Variants in CCDC3 observed in about 807,000 individuals in gnomAD.
CCDC3 encodes the protein coiled-coil domain-containing protein 3.
A neutral mutation model predicts 21.4 loss-of-function variants in CCDC3; 24 were observed. The ratio of observed to expected loss-of-function variants is 1.12; its 90% CI spans 0.81 to 1.58. The LOEUF (loss-of-function observed/expected upper bound fraction) is 1.58. Among genes scored for constraint, CCDC3 ranks in the 40% most tolerant of loss-of-function variants. The pLI, the probability that CCDC3 is intolerant of heterozygous loss-of-function variation, is 0.00. For synonymous variants in CCDC3, 186 were observed against 166.0 expected (o/e 1.12, Z -0.93); for missense variants, 425 against 360.9 (o/e 1.18, Z -1.44).
intron 5 of CCDC3, among the ~76,000 whole-genome samples, chr10:13,018,685 T>C (rs493493): frequency 1 from 152,079 of 152,116 alleles, 76,021 homozygotes; most frequent in Middle Eastern, 1. Context: ...AATCCCAGCA[T>C]TTTGGGAGGC....
intron 2 of CCDC3, among the ~76,000 whole-genome samples, chr10:12,916,171 C>T (rs1413861482): frequency 3.9e-5 from 6 of 152,310 alleles, no homozygotes; most frequent in Admixed American, 1.3e-4. Flanking sequence ...CAGTGGTTCA[C>T]GCCTGAAGTC....
chr10:12,902,098 C>T (rs1213355811), intron 2 of CCDC3, among the ~76,000 whole-genome samples: 1 of 152,214 alleles, frequency 6.6e-6, no homozygotes, highest in Non-Finnish European at 1.5e-5. Context: ...GACTCAAGGG[C>T]CTTGACATTC....
chr10:13,090,038 T>TAG (rs1564345301), intron 3 of CCDC3, among the ~76,000 whole-genome samples: 6 of 1,446 alleles, frequency 4.1e-3, no homozygotes, highest in African/African-American at 4.6e-3. Context: ...CCGTTAGATA[T>TAG]ATATATATAT....
chr10:12,942,831 G>C (rs72777410), intron 2 of CCDC3, among the ~76,000 whole-genome samples: 3,154 of 152,254 alleles, frequency 0.021, 49 homozygotes, highest in Middle Eastern at 0.051. Context: ...AGGAGAGAGA[G>C]CTTTTCTCTT....
intron 2 of CCDC3, among the ~76,000 whole-genome samples, chr10:12,919,365 G>A (rs923049769): frequency 1.3e-4 from 20 of 152,086 alleles, no homozygotes; most frequent in Admixed American, 1.1e-3. Context: ...TGAGGCCGGC[G>A]GATCACTTGA....
chr10:12,970,348 T>A (rs1835323128), intron 2 of CCDC3, among the ~76,000 whole-genome samples: 2 of 152,180 alleles, frequency 1.3e-5, no homozygotes, highest in Non-Finnish European at 2.9e-5. Context: ...AAATGCATTT[T>A]CAACTTACGG....
intron 2 of CCDC3, among the ~76,000 whole-genome samples, chr10:12,972,197 C>CACT (rs2131265454): frequency 6.6e-6 from 1 of 152,278 alleles, no homozygotes; most frequent in African/African-American, 2.4e-5. Flanking sequence ...AACTCAACCC[C>CACT]ACTCTCCACC....
intron 2 of CCDC3, among the ~76,000 whole-genome samples, chr10:12,945,892 CCTT>C (rs1263890516): frequency 6.6e-6 from 1 of 152,162 alleles, no homozygotes; most frequent in Non-Finnish European, 1.5e-5. Flanking sequence ...ATAGCTAACA[CCTT>C]CTGCTGCACT....
intron 2 of CCDC3, among the ~76,000 whole-genome samples, chr10:12,948,013 T>G (rs1834943731): frequency 6.6e-6 from 1 of 152,228 alleles, no homozygotes; most frequent in African/African-American, 2.4e-5. Context: ...CAGCTCTTGG[T>G]CGGTGATACA....
chr10:12,910,551 C>CA (rs1834253922), intron 2 of CCDC3, among the ~76,000 whole-genome samples: 1 of 142,060 alleles, frequency 7.0e-6, no homozygotes, highest in Admixed American at 7.3e-5. Context: ...TGGTATCTGG[C>CA]ACAAGTCCTT....
Position 12,979,844 on chromosome 10 carries a change from A to T in CCDC3, c.549+18494T>A, listed in dbSNP as rs1000644944. Among the ~76,000 whole-genome samples, 5 of 152,158 alleles carry T rather than the reference A, an allele frequency of 3.3e-5. No homozygotes were observed. In the South Asian group the frequency reaches 1.0e-3, roughly 32 times the overall value. The stretch of plus-strand genomic sequence containing the variant: ...GATTTGTTCACTTCAGCTGACCTTC[A>T]GTAGGACAGTTTTGCTTTACTACAA... On this transcript the variant is annotated intron_variant, in intron 2 of 2. Transcript: ENST00000378825.
chr10:12,946,895 T>G (rs773335546), intron 2 of CCDC3, among the ~76,000 whole-genome samples: 1 of 152,176 alleles, frequency 6.6e-6, no homozygotes, highest in Non-Finnish European at 1.5e-5. Context: ...AAAGATCCTG[T>G]CACTACATTC....
intron 5 of CCDC3, among the ~76,000 whole-genome samples, chr10:13,037,462 A>C (rs1248318788): frequency 6.6e-6 from 1 of 152,174 alleles, no homozygotes; most frequent in Non-Finnish European, 1.5e-5. Flanking sequence ...GGTTTATGGG[A>C]AACATTGTAG....
chr10:12,944,198 G>C (rs1282956678), intron 2 of CCDC3, among the ~76,000 whole-genome samples: 2 of 152,152 alleles, frequency 1.3e-5, no homozygotes, highest in African/African-American at 4.8e-5. Context: ...TCTCATGGGG[G>C]AAACTTGTGT....
At chr10:13,092,892 GC>G (rs1832588294) in intron 3 of CCDC3, among the ~76,000 whole-genome samples, 1 of 152,198 alleles carries the variant, frequency 6.6e-6, no homozygotes, top group South Asian at 2.1e-4. Flanking sequence ...CAGGAACTCT[GC>G]CCGCAAAGCC....
intron 3 of CCDC3, among the ~76,000 whole-genome samples, chr10:13,078,086 A>G (rs565917333): frequency 2.4e-3 from 365 of 152,308 alleles, no homozygotes; most frequent in African/African-American, 8.4e-3. Context: ...TACAGAATGG[A>G]AGAAAATTTT....
Position 12,898,371 on chromosome 10 carries a change from T to G in CCDC3, c.*45A>C. ...TGTACGAAACCTCACTCATTCTCAA[T>G]TACCGTCAGGATTGGCCCTGCACAC... is the stretch of plus-strand genomic sequence containing the variant. On this transcript the variant is annotated 3_prime_UTR_variant, in exon 3 of 3. Transcript: ENST00000378825. 1 of 1,529,674 alleles carries G rather than the reference T, an allele frequency of 6.5e-7. No individual in the cohort carries two copies. The highest frequency in any genetic ancestry group is 2.3e-5 in the East Asian group (1 of 44,026). The allele number at this position is 1,529,674 out of a possible 1,614,324, so 94.8% of individuals were successfully genotyped here.
rs142927083 is a variant in CCDC3 at position 13,077,854 on chromosome 10, A to G, written c.-502-3754T>C. ...CCTTCCTTACACCTTGTACAAAAAT[A>G]AATTCAAAATGGATTAAATACTTAA... On this transcript the variant is annotated intron_variant, in intron 3 of 6. Coordinates refer to the CCDC3 transcript ENST00000378839. Among the ~76,000 whole-genome samples, 75 of 152,354 alleles carry G rather than the reference A, an allele frequency of 4.9e-4. 1 individual carries two copies. In the East Asian group the frequency reaches 0.012, roughly 24 times the overall value.
At chr10:12,986,590 T>G (rs12251556) in intron 2 of CCDC3, among the ~76,000 whole-genome samples, 1 of 152,026 alleles carries the variant, frequency 6.6e-6, no homozygotes, top group Non-Finnish European at 1.5e-5. Context: ...CTAGCTAACA[T>G]GGTGAAACCC....
Sources: allele counts gnomAD v4.1 joint callset (sites outside exome capture counted in the v4.1 genomes callset), GRCh38; gene constraint gnomAD v4.1.1; transcripts MANE v1.5; gene names NCBI Gene and HGNC (gene_info 2026-07-23, HGNC 2026-07-21).